The following SLCO6A1 variants were observed in gnomAD, a reference collection of about 807,000 sequenced individuals.
The protein encoded by SLCO6A1 is cancer/testis antigen 48.
In SLCO6A1, 65 loss-of-function variants were observed where a neutral mutation model predicts 72.7. The observed-to-expected ratio is 0.89, with a 90% CI of 0.73 to 1.10. The LOEUF is 1.10. Among genes scored for constraint, SLCO6A1 ranks in the 50% least tolerant of loss-of-function variants. SLCO6A1 has a pLI of 0.00. For synonymous variants in SLCO6A1, 314 were observed against 298.2 expected, an observed-to-expected ratio of 1.05 and a Z score of -0.55; for missense variants, 874 against 872.6, an observed-to-expected ratio of 1.00 and a Z score of -0.02.
chr5:102,452,716 G>GT (rs1325895031), intron 6 of SLCO6A1, among the ~76,000 whole-genome samples: 1 of 152,102 alleles, frequency 6.6e-6, no homozygotes, highest in Non-Finnish European at 1.5e-5. Context: ...AAAATAGCTA[G>GT]TTTTTTGTCT....
intron 4 of SLCO6A1, among the ~76,000 whole-genome samples, chr5:102,469,211 A>G (rs1169008306): frequency 2.0e-5 from 3 of 152,010 alleles, no homozygotes; most frequent in African/African-American, 7.2e-5. Context: ...AGTCATTGGC[A>G]GCTTGATGGG....
intron 12 of SLCO6A1, 29 bp from the exon 13 acceptor site, chr5:102,373,523 A>AC: frequency 7.2e-7 from 1 of 1,386,242 alleles, no homozygotes; most frequent in Non-Finnish European, 9.4e-7. Flanking sequence ...ATGATCAGAT[A>AC]TGTCCATGTA....
intron 6 of SLCO6A1, among the ~76,000 whole-genome samples, chr5:102,439,622 T>C (rs1314865997): frequency 6.6e-6 from 1 of 152,170 alleles, no homozygotes; most frequent in Non-Finnish European, 1.5e-5. Flanking sequence ...AATACTTGTC[T>C]TGCCTTCAAC....
chr5:102,409,736 C>T (rs1376283806), intron 9 of SLCO6A1, among the ~76,000 whole-genome samples: 1 of 152,070 alleles, frequency 6.6e-6, no homozygotes, highest in African/African-American at 2.4e-5. Context: ...ATTTCTATCA[C>T]TGTTATTCCT....
intron 9 of SLCO6A1, among the ~76,000 whole-genome samples, chr5:102,402,603 T>C (rs775309018): frequency 1.6e-4 from 24 of 152,122 alleles, no homozygotes; most frequent in Non-Finnish European, 2.8e-4. Context: ...TTATGCTGCA[T>C]CATCTCATGG....
intron 6 of SLCO6A1, among the ~76,000 whole-genome samples, chr5:102,449,094 A>C (rs1352412200): frequency 1.3e-5 from 2 of 152,132 alleles, no homozygotes; most frequent in Non-Finnish European, 2.9e-5. Context: ...CTTGTCTAAA[A>C]AGTATTTTAT....
intron 12 of SLCO6A1, among the ~76,000 whole-genome samples, chr5:102,386,674 T>C (rs1362015438): frequency 2.6e-5 from 4 of 152,072 alleles, no homozygotes; most frequent in African/African-American, 9.7e-5. Context: ...TGGGTTCCAG[T>C]CTTGTGTAAC....
intron 7 of SLCO6A1, among the ~76,000 whole-genome samples, chr5:102,437,362 C>T (rs1749596252): frequency 6.6e-6 from 1 of 152,082 alleles, no homozygotes; most frequent in South Asian, 2.1e-4. Flanking sequence ...AAGGAGAAAG[C>T]CACCTGATTT....
At chr5:102,463,497 G>T (rs565990539) in intron 4 of SLCO6A1, among the ~76,000 whole-genome samples, 1 of 152,300 alleles carries the variant, frequency 6.6e-6, no homozygotes, top group South Asian at 2.1e-4. Flanking sequence ...ACTTGCAATT[G>T]CAAAAATATG....
In SLCO6A1 at chr5:102,452,248, C is replaced by T. The variant is rs192638862; in HGVS notation, c.1131+6134G>A. ...AGAGGGTTGAGCTCTCTGTTCCACA[C>T]ATTTAGAGGGAGCTTTTCCTCTATA... On this transcript the variant is annotated intron_variant, in intron 6 of 13. Coordinates refer to ENST00000506729, the MANE Select transcript of SLCO6A1 (RefSeq NM_173488.5). 2.1e-3 allele frequency among the ~76,000 whole-genome samples: 318 copies of T among 152,322 alleles called. 3 individuals carry two copies. Among genetic ancestry groups the T allele is most frequent in the African/African-American group, 7.3e-3 (302 of 41,590 alleles).
chr5:102,448,183 G>A (rs758490916), intron 6 of SLCO6A1, among the ~76,000 whole-genome samples: 1 of 152,160 alleles, frequency 6.6e-6, no homozygotes, highest in Non-Finnish European at 1.5e-5. Flanking sequence ...GTATGGTTTT[G>A]AGAGATCTTC....
chr5:102,450,823 G>C, intron 6 of SLCO6A1, among the ~76,000 whole-genome samples: 1 of 152,218 alleles, frequency 6.6e-6, no homozygotes, highest in Non-Finnish European at 1.5e-5. Flanking sequence ...GGGGCTCACA[G>C]GCAAGAAAGA....
In SLCO6A1 at chr5:102,497,420, C is replaced by T. The variant is rs184597456; in HGVS notation, c.358+1067G>A. 2.6e-5 allele frequency among the ~76,000 whole-genome samples: 4 copies of T among 152,278 alleles called. No individual in the cohort carries two copies. The East Asian group carries it at 7.7e-4, about 29-fold the overall frequency. On this transcript the variant is annotated intron_variant, in intron 1 of 13. Transcript: ENST00000506729. ...CTCCAGGTGATTCAACCCAGAACTT[C>T]TCAGAGTTGGTGACCAAACAACGAT...
intron 6 of SLCO6A1, among the ~76,000 whole-genome samples, chr5:102,455,030 ATTATG>A: frequency 6.8e-6 from 1 of 147,626 alleles, no homozygotes; most frequent in Middle Eastern, 3.6e-3. Flanking sequence ...ATATATATAA[ATTATG>A]TTATAACAAA....
intron 12 of SLCO6A1, among the ~76,000 whole-genome samples, chr5:102,387,036 G>A (rs74722623): frequency 6.6e-6 from 1 of 152,072 alleles, no homozygotes; most frequent in Non-Finnish European, 1.5e-5. Context: ...TCAGTGTAAT[G>A]TCTCTAGCTC....
At chr5:102,408,653 T>C (rs2112574927) in intron 9 of SLCO6A1, among the ~76,000 whole-genome samples, 1 of 152,220 alleles carries the variant, frequency 6.6e-6, no homozygotes, top group African/African-American at 2.4e-5. Flanking sequence ...GAAAACCGTT[T>C]TCAAAATGAA....
rs1231986173 is a variant in SLCO6A1 at position 102,412,999 on chromosome 5, GT to G, written c.1616del (p.Asn539ThrfsTer16). ...TATAAAAAATAATTACCTTTTTTTGGTTTTGTGCTTTAGAATATGTACACCC... is the reference window on the plus strand; with the variant it reads ...TATAAAAAATAATTACCTTTTTTTGGTTTGTGCTTTAGAATATGTACACCC... ...FAGCTYSKAQ[N>X]QKKMYYNCSC... On this transcript the variant is annotated frameshift_variant, in exon 9 of 14. Transcript: ENST00000506729. LOFTEE classifies it high-confidence loss of function. 2 of 1,384,216 alleles carry G rather than the reference GT, an allele frequency of 1.4e-6. No individual in the cohort carries two copies. Among genetic ancestry groups the G allele is most frequent in the Non-Finnish European group, 1.9e-6 (2 of 1,059,916 alleles). 85.7% of individuals were successfully genotyped at this position (1,384,216 alleles called of 1,614,324 possible).
intron 4 of SLCO6A1, among the ~76,000 whole-genome samples, chr5:102,467,805 T>C (rs1751386720): frequency 6.6e-6 from 1 of 152,098 alleles, no homozygotes; most frequent in Non-Finnish European, 1.5e-5. Flanking sequence ...TCATTTATCT[T>C]TTGTATTTTT....
chr5:102,480,910 C>T (rs1265069804), intron 1 of SLCO6A1, among the ~76,000 whole-genome samples: 1 of 152,100 alleles, frequency 6.6e-6, no homozygotes, highest in African/African-American at 2.4e-5. Flanking sequence ...CAGTTTTTAG[C>T]CTTTTTAACA....
Sources: gnomAD v4.1 joint callset for allele counts (sites outside exome capture counted in the v4.1 genomes callset) on GRCh38, gnomAD v4.1.1 for gene constraint, MANE v1.5 for transcripts, NCBI Gene and HGNC (gene_info 2026-07-23, HGNC 2026-07-21) for gene names.